DOCK9: variants seen among roughly 807,000 people sequenced by gnomAD.
The protein encoded by DOCK9 is dedicator of cytokinesis protein 9.
DOCK9 carries 89 observed loss-of-function variants against 263.3 expected under a neutral mutation model. The ratio of observed to expected loss-of-function variants is 0.34; its 90% CI spans 0.28 to 0.40. The LOEUF (loss-of-function observed/expected upper bound fraction) is 0.40. DOCK9 is among the 10% of genes least tolerant of loss of function. The probability of loss-of-function intolerance (pLI) is 1.00; values close to 1 mark genes in which losing one functional copy is unlikely to be tolerated. For synonymous variants in DOCK9, 976 were observed against 973.1 expected, an observed-to-expected ratio of 1.00 and a Z score of -0.06; for missense variants, 2,140 against 2,603.4, an observed-to-expected ratio of 0.82 and a Z score of 3.87.
At chr13:99,012,768 C>A (rs1408978386) in intron 1 of DOCK9, among the ~76,000 whole-genome samples, 1 of 152,142 alleles carries the variant, frequency 6.6e-6, no homozygotes, top group Non-Finnish European at 1.5e-5. Context: ...ATGAACCACA[C>A]AACTTCTTGG....
intron 1 of DOCK9, among the ~76,000 whole-genome samples, chr13:99,076,850 G>A (rs1316639570): frequency 1.3e-5 from 2 of 152,106 alleles, no homozygotes; most frequent in Non-Finnish European, 2.9e-5. Context: ...TTAAGCAAAT[G>A]TACAAAAATA....
intron 35 of DOCK9, among the ~76,000 whole-genome samples, chr13:98,852,922 T>C (rs892093247): frequency 5.9e-5 from 9 of 152,130 alleles, no homozygotes; most frequent in African/African-American, 1.7e-4. Context: ...AAAACTAAAA[T>C]AACATATCTC....
intron 1 of DOCK9, among the ~76,000 whole-genome samples, chr13:99,009,640 CCT>C (rs935238327): frequency 7.9e-5 from 12 of 152,054 alleles, no homozygotes; most frequent in African/African-American, 2.9e-4. Context: ...TATTCACTTA[CCT>C]CTCAGCCAGC....
At chr13:98,801,738 T>C (rs2090134192) in intron 49 of DOCK9, among the ~76,000 whole-genome samples, 2 of 152,186 alleles carry the variant, frequency 1.3e-5, no homozygotes, top group Admixed American at 6.5e-5. Context: ...GTGGTCCTGG[T>C]CTCTAGTTAG....
chr13:98,797,698 T>A (rs1342009577), intron 50 of DOCK9, among the ~76,000 whole-genome samples: 2 of 152,144 alleles, frequency 1.3e-5, no homozygotes, highest in Non-Finnish European at 2.9e-5. Flanking sequence ...TCAGGGCACT[T>A]GTGATGATGG....
chr13:98,795,583 C>T (rs1178128402), intron 52 of DOCK9, among the ~76,000 whole-genome samples: 1 of 152,120 alleles, frequency 6.6e-6, no homozygotes, highest in Non-Finnish European at 1.5e-5. Context: ...TCTCTTACTA[C>T]TTTCATCTTC....
chr13:98,815,970 A>T (rs896493750), intron 45 of DOCK9, among the ~76,000 whole-genome samples: 10 of 152,180 alleles, frequency 6.6e-5, no homozygotes, highest in Non-Finnish European at 1.2e-4. Context: ...CAATCTCATT[A>T]AAAATGAAAA....
chr13:98,932,352 G>A (rs1401298262), intron 2 of DOCK9, among the ~76,000 whole-genome samples: 5 of 152,124 alleles, frequency 3.3e-5, no homozygotes, highest in Non-Finnish European at 7.4e-5. Context: ...CCAAGATGGT[G>A]CCACTGCATT....
At chr13:99,038,550 C>A (rs1037207346) in intron 1 of DOCK9, among the ~76,000 whole-genome samples, 1 of 152,070 alleles carries the variant, frequency 6.6e-6, no homozygotes, top group African/African-American at 2.4e-5. Context: ...AGGTGATCCA[C>A]CCACCTCAGC....
intron 1 of DOCK9, among the ~76,000 whole-genome samples, chr13:99,065,946 T>C (rs2142329068): frequency 1.3e-5 from 2 of 152,310 alleles, no homozygotes; most frequent in South Asian, 4.1e-4. Flanking sequence ...ATTTATCAGT[T>C]CAGATATATG....
chr13:98,975,402 G>A (rs1363519396), intron 1 of DOCK9, among the ~76,000 whole-genome samples: 6 of 148,354 alleles, frequency 4.0e-5, no homozygotes, highest in Admixed American at 2.0e-4. Flanking sequence ...GGTGACAAAA[G>A]ATGTTACTGA....
At chr13:98,919,627 G>C (rs1406789053) in intron 7 of DOCK9, among the ~76,000 whole-genome samples, 2 of 152,182 alleles carry the variant, frequency 1.3e-5, no homozygotes, top group Non-Finnish European at 2.9e-5. Context: ...TTTTGTGAGG[G>C]GTTGTTAGGA....
At chr13:98,834,307 T>C (rs1300962012) in intron 39 of DOCK9, 1 of 152,166 alleles carries the variant, frequency 6.6e-6, no homozygotes, top group Non-Finnish European at 1.5e-5. Context: ...AGTCAGACAG[T>C]TTTATGTACA....
At chr13:98,886,100 C>T (rs1456106328) in intron 19 of DOCK9, among the ~76,000 whole-genome samples, 1 of 152,164 alleles carries the variant, frequency 6.6e-6, no homozygotes, top group African/African-American at 2.4e-5. Context: ...TAAGTTACCA[C>T]AGCCAAGGCA....
chr13:98,947,185 G>C (rs1301815700), intron 2 of DOCK9, among the ~76,000 whole-genome samples: 1 of 152,104 alleles, frequency 6.6e-6, no homozygotes, highest in Non-Finnish European at 1.5e-5. Context: ...ACTGGTCCTA[G>C]TCCCCTGCTT....
chr13:99,048,505 C>T (rs1164266643), intron 1 of DOCK9, among the ~76,000 whole-genome samples: 1 of 152,206 alleles, frequency 6.6e-6, no homozygotes, highest in Non-Finnish European at 1.5e-5. Context: ...TCACGGAAAG[C>T]AAGGGTGGCC....
At chr13:98,990,157 T>C (rs1415351139) in intron 1 of DOCK9, among the ~76,000 whole-genome samples, 2 of 152,210 alleles carry the variant, frequency 1.3e-5, no homozygotes, top group African/African-American at 2.4e-5. Flanking sequence ...TGAACCAATC[T>C]GTTTAGAGAA....
Position 98,880,770 on chromosome 13 carries a change from C to A in DOCK9, c.2746-98G>T. The A allele has an allele frequency of 2.1e-6, 3 of 1,449,686 alleles. No individual in the cohort carries two copies. In the South Asian group the frequency reaches 4.0e-5, roughly 19 times the overall value. The allele number at this position is 1,449,686 out of a possible 1,614,324, so 89.8% of individuals were successfully genotyped here. On this transcript the variant is annotated intron_variant, in intron 25 of 52. Transcript: ENST00000682017. ...AGAATGGAGATCAGGGACTGAGCTACAATATCATTTGTGGGAGAGGAAGGT... is the reference window on the plus strand; with the variant it reads ...AGAATGGAGATCAGGGACTGAGCTAAAATATCATTTGTGGGAGAGGAAGGT...
intron 45 of DOCK9, chr13:98,820,624 T>A (rs1439537558): frequency 3.6e-5 from 14 of 387,672 alleles, no homozygotes; most frequent in South Asian, 2.7e-4. Flanking sequence ...TATGGGGAGA[T>A]GTGCTCTGCT....
Sources: allele counts gnomAD v4.1 joint callset (sites outside exome capture counted in the v4.1 genomes callset), GRCh38; gene constraint gnomAD v4.1.1; transcripts MANE v1.5; gene names NCBI Gene and HGNC (gene_info 2026-07-23, HGNC 2026-07-21).